CNOT2: variants seen among roughly 807,000 people sequenced by gnomAD.
CNOT2 encodes the protein CCR4-NOT transcription complex subunit 2.
A neutral mutation model predicts 72.1 loss-of-function variants in CNOT2; 7 were observed. That is an observed-to-expected ratio of 0.10 (90% CI 0.06 to 0.18). The LOEUF (loss-of-function observed/expected upper bound fraction) is 0.18. CNOT2 is among the 10% of genes least tolerant of loss of function. The pLI is 1.00. For missense variants in CNOT2, 345 were observed against 660.3 expected (o/e 0.52, Z 5.23); for synonymous variants, 196 against 225.6 (o/e 0.87, Z 1.17).
intron 2 of CNOT2, among the ~76,000 whole-genome samples, chr12:70,303,505 G>T (rs999404152): frequency 6.6e-6 from 1 of 152,146 alleles, no homozygotes; most frequent in African/African-American, 2.4e-5. Flanking sequence ...TGAAATTCTG[G>T]GTTGAAAATT....
chr12:70,275,839 A>G (rs1014728538), intron 1 of CNOT2, among the ~76,000 whole-genome samples: 1 of 152,088 alleles, frequency 6.6e-6, no homozygotes, highest in South Asian at 2.1e-4. Context: ...AAGGTTATCA[A>G]CAGAATTTAT....
Position 70,333,049 on chromosome 12 carries a change from CGTA to C in CNOT2, c.649+207_649+209del, listed in dbSNP as rs373741917. 4.0e-3 allele frequency among the ~76,000 whole-genome samples: 603 copies of C among 151,810 alleles called. 4 individuals are homozygous for C. Among genetic ancestry groups the C allele is most frequent in the African/African-American group, 0.014 (573 of 41,484 alleles). On this transcript the variant is annotated intron_variant, in intron 7 of 15. Coordinates refer to ENST00000229195, the MANE Select transcript of CNOT2 (RefSeq NM_014515.7). ...AAATTTTTTTTACTTAGCATGGTAA[CGTA>C]GTAATTTGTGTTATAACATCAGGAT...
chr12:70,293,940 T>TA (rs1252953140), intron 2 of CNOT2: 1 of 146,258 alleles, frequency 6.8e-6, no homozygotes, highest in Non-Finnish European at 1.3e-5. Context: ...TTTTTTTTTT[T>TA]AAACTTAGTA....
At chr12:70,273,036 T>G (rs1380352136) in intron 1 of CNOT2, among the ~76,000 whole-genome samples, 1 of 152,172 alleles carries the variant, frequency 6.6e-6, no homozygotes, top group Non-Finnish European at 1.5e-5. Flanking sequence ...CAGTAATTTC[T>G]CTCTCTCCAT....
At chr12:70,302,239 A>G (rs1164243623) in intron 2 of CNOT2, among the ~76,000 whole-genome samples, 3 of 151,462 alleles carry the variant, frequency 2.0e-5, no homozygotes, top group Non-Finnish European at 4.4e-5. Flanking sequence ...GATTTTAGTT[A>G]TTTCTTGCCT....
chr12:70,272,804 TTCC>T (rs1868282714), intron 1 of CNOT2, among the ~76,000 whole-genome samples: 1 of 152,076 alleles, frequency 6.6e-6, no homozygotes, highest in Non-Finnish European at 1.5e-5. Flanking sequence ...CCTGTAACAC[TTCC>T]TCCCATATTC....
At chr12:70,305,883 T>TG (rs1376495353) in intron 2 of CNOT2, among the ~76,000 whole-genome samples, 4 of 148,980 alleles carry the variant, frequency 2.7e-5, no homozygotes, top group East Asian at 2.0e-4. Context: ...GTTTTTTTTT[T>TG]TTTTTTTTTT....
At chr12:70,347,204 GT>G (rs1208134573) in intron 15 of CNOT2, among the ~76,000 whole-genome samples, 1 of 151,736 alleles carries the variant, frequency 6.6e-6, no homozygotes, top group African/African-American at 2.4e-5. Context: ...TTGTCAATTT[GT>G]TTTTTTGTTT....
intron 2 of CNOT2, among the ~76,000 whole-genome samples, chr12:70,308,580 T>A (rs1275966667): frequency 7.7e-5 from 11 of 141,952 alleles, no homozygotes; most frequent in African/African-American, 1.9e-4. Flanking sequence ...TCTCTCTCTC[T>A]CTCTCACACA....
intron 1 of CNOT2, among the ~76,000 whole-genome samples, chr12:70,276,188 C>T (rs1052277498): frequency 1.3e-5 from 2 of 151,782 alleles, no homozygotes; most frequent in African/African-American, 2.4e-5. Flanking sequence ...AATATTAATA[C>T]GTATTGTTGT....
chr12:70,305,231 A>T (rs1324704483), intron 2 of CNOT2, among the ~76,000 whole-genome samples: 1 of 152,198 alleles, frequency 6.6e-6, no homozygotes, highest in Non-Finnish European at 1.5e-5. Flanking sequence ...CCTCAGTTGG[A>T]AATGCAGAAA....
chr12:70,307,708 G>A, intron 2 of CNOT2: 1 of 151,878 alleles, frequency 6.6e-6, no homozygotes, highest in African/African-American at 2.4e-5. Flanking sequence ...GGAGAAGATG[G>A]GTATAGTTTA....
At chr12:70,257,363 TTTTTTTTTTC>T (rs1262111408) in intron 1 of CNOT2, among the ~76,000 whole-genome samples, 16 of 145,160 alleles carry the variant, frequency 1.1e-4, no homozygotes, top group African/African-American at 2.4e-4. Flanking sequence ...CCTTTTTTTT[TTTTTTTTTTC>T]TTTTTGAGAC....
At chr12:70,288,160 T>G (rs1038391662) in intron 2 of CNOT2, among the ~76,000 whole-genome samples, 3 of 116,004 alleles carry the variant, frequency 2.6e-5, no homozygotes, top group African/African-American at 6.2e-5. Context: ...TTTTTTTTTT[T>G]GAAACGGAGT....
intron 2 of CNOT2, among the ~76,000 whole-genome samples, chr12:70,301,032 G>T (rs1250979837): frequency 2.0e-5 from 3 of 152,004 alleles, no homozygotes; most frequent in African/African-American, 7.3e-5. Flanking sequence ...GTCTGTTATT[G>T]GTGTATAAGA....
At position 70,283,111 on chromosome 12, in the gene CNOT2, T is replaced by C. The variant is rs141884645; in HGVS notation, c.48+4837T>C. ...GTAATTGTAAATAAACAGTTAAGTG[T>C]ATTTCCTTTCTTTTATTGTTAAGTG... is the stretch of plus-strand genomic sequence containing the variant. On this transcript the variant is annotated intron_variant, in intron 2 of 15. Coordinates refer to ENST00000229195, the MANE Select transcript of CNOT2 (RefSeq NM_014515.7). Among the ~76,000 whole-genome samples the C allele has an allele frequency of 8.1e-3, 1,241 of 152,308 alleles. 20 individuals carry two copies. Among genetic ancestry groups the C allele is most frequent in the African/African-American group, 0.028 (1,160 of 41,564 alleles).
rs116392993 is a variant in CNOT2 at position 70,267,470 on chromosome 12, C to T, written c.-95-10662C>T. On this transcript the variant is annotated intron_variant, in intron 1 of 15. Transcript: ENST00000229195. The stretch of plus-strand genomic sequence containing the variant: ...ATTGGATTTAGGGCCTTCATAAATC[C>T]AGTATGACTTCCTGTTAATTTGGTG... Among the ~76,000 whole-genome samples the T allele has an allele frequency of 6.7e-3, 1,024 of 152,250 alleles. 9 individuals are homozygous for T. The highest frequency in any genetic ancestry group is 0.023 in the African/African-American group (951 of 41,528).
intron 2 of CNOT2, among the ~76,000 whole-genome samples, chr12:70,305,101 C>T (rs1447211831): frequency 6.6e-6 from 1 of 152,246 alleles, no homozygotes; most frequent in Admixed American, 6.5e-5. Flanking sequence ...AGGGAATTCC[C>T]TGACCCCTTG....
intron 2 of CNOT2, among the ~76,000 whole-genome samples, chr12:70,305,336 A>G (rs1234999888): frequency 6.6e-6 from 1 of 152,036 alleles, no homozygotes; most frequent in South Asian, 2.1e-4. Flanking sequence ...CTTATTCACA[A>G]TCATGAGAAC....
Sources: allele counts gnomAD v4.1 joint callset (sites outside exome capture counted in the v4.1 genomes callset), GRCh38; gene constraint gnomAD v4.1.1; transcripts MANE v1.5; gene names NCBI Gene and HGNC (gene_info 2026-07-23, HGNC 2026-07-21).